Variants in TBC1D1 observed in about 807,000 individuals in gnomAD.
The protein encoded by TBC1D1 is TBC1 (tre-2/USP6, BUB2, cdc16) domain family, member 1.
In TBC1D1, 89 loss-of-function variants were observed where a neutral mutation model predicts 125.6. The ratio of observed to expected loss-of-function variants is 0.71; its 90% confidence interval spans 0.60 to 0.85. The LOEUF (loss-of-function observed/expected upper bound fraction) is 0.85, where lower values mean the gene tolerates loss of function less well. Ranked by LOEUF, TBC1D1 falls within the 40% of genes least tolerant of loss-of-function variation. The pLI, the probability that TBC1D1 is intolerant of heterozygous loss-of-function variation, is 0.00. For missense variants in TBC1D1, 1,377 were observed against 1,469.2 expected, an observed-to-expected ratio of 0.94 and a Z score of 1.03; for synonymous variants, 565 against 564.1, an observed-to-expected ratio of 1.00 and a Z score of -0.02.
intron 18 of TBC1D1, among the ~76,000 whole-genome samples, chr4:38,129,088 C>G (rs571329700): frequency 6.6e-6 from 1 of 152,306 alleles, no homozygotes; most frequent in African/African-American, 2.4e-5. Flanking sequence ...ACACCCGAGA[C>G]CTGCTGAATC....
chr4:38,127,439 C>T lies in TBC1D1; in HGVS notation c.3132+2308C>T, dbSNP rs1173346337. On this transcript the variant is annotated intron_variant, in intron 18 of 19. Coordinates refer to ENST00000261439, the MANE Select transcript of TBC1D1 (RefSeq NM_015173.4). ...TTGCTCTGCTACCCAGGCTGGAATG[C>T]GGTGGTGTGATCTTGGCTCACTGCA... Among the ~76,000 whole-genome samples, 17 of 142,528 alleles carry T rather than the reference C, an allele frequency of 1.2e-4. No individual in the cohort carries two copies. In the South Asian group the frequency reaches 1.7e-3, roughly 14 times the overall value. 93.5% of individuals were successfully genotyped at this position (142,528 alleles called of 152,430 possible).
intron 11 of TBC1D1, chr4:38,052,017 C>G (rs1016394952): frequency 1.9e-5 from 30 of 1,551,076 alleles, no homozygotes; most frequent in Non-Finnish European, 2.6e-5. Context: ...GTACCTAAAA[C>G]ATAATTCCAG....
intron 2 of TBC1D1, among the ~76,000 whole-genome samples, chr4:37,970,363 C>A (rs1315694636): frequency 6.6e-6 from 1 of 152,212 alleles, no homozygotes; most frequent in South Asian, 2.1e-4. Flanking sequence ...ATCAAACTTA[C>A]ACTAACATTC....
At chr4:38,021,550 T>G (rs764756911) in intron 5 of TBC1D1, 36 bp from the exon 6 acceptor site, 5 of 1,465,988 alleles carry the variant, frequency 3.4e-6, no homozygotes, top group Non-Finnish European at 4.5e-6. Context: ...TCAAATTGAC[T>G]TTTTGGTGAC....
chr4:37,964,081 G>A (rs1482130109), intron 2 of TBC1D1, among the ~76,000 whole-genome samples: 2 of 152,206 alleles, frequency 1.3e-5, no homozygotes, highest in African/African-American at 4.8e-5. Context: ...GCAGGGGCAG[G>A]TGGCTTGCTT....
rs949083440 is a variant in TBC1D1, at chr4:37,979,624, C to G, written c.418-34885C>G. On this transcript the variant is annotated intron_variant, in intron 2 of 19. Coordinates refer to ENST00000261439, the MANE Select transcript of TBC1D1 (RefSeq NM_015173.4). ...AGAAACACACAGCTGCACATGAGCA[C>G]AGGCCTCACACAAACACCTGCACAT... is the stretch of plus-strand genomic sequence containing the variant. Among the ~76,000 whole-genome samples, 3 of 152,230 alleles carry G rather than the reference C, an allele frequency of 2.0e-5. 1 individual carries two copies. The highest frequency in any genetic ancestry group is 1.9e-4 in the East Asian group (1 of 5,198).
chr4:37,976,232 C>G (rs1733046730), intron 2 of TBC1D1, among the ~76,000 whole-genome samples: 1 of 152,190 alleles, frequency 6.6e-6, no homozygotes, highest in Non-Finnish European at 1.5e-5. Flanking sequence ...TAAATACGGG[C>G]AACACCTATG....
At chr4:37,923,026 A>T (rs1721350470) in intron 2 of TBC1D1, among the ~76,000 whole-genome samples, 1 of 152,280 alleles carries the variant, frequency 6.6e-6, no homozygotes, top group East Asian at 1.9e-4. Context: ...TTACATAAGT[A>T]TACATGTACT....
In TBC1D1 at chr4:38,044,316, G is replaced by A. The variant is rs555476730; in HGVS notation, c.1414-46G>A. On this transcript the variant is annotated intron_variant, in intron 8 of 19. Transcript: ENST00000261439. ...TAGAGATTTTTCATTCCTTTAAGAA[G>A]CAGAGAAGGGAGCGATAAATGACTT... 4 of 1,567,698 alleles carry A rather than the reference G, an allele frequency of 2.6e-6. No individual in the cohort carries two copies. In the East Asian group the frequency reaches 9.0e-5, roughly 35 times the overall value.
intron 2 of TBC1D1, among the ~76,000 whole-genome samples, chr4:37,922,324 C>T (rs1721180684): frequency 6.6e-6 from 1 of 152,186 alleles, no homozygotes; most frequent in South Asian, 2.1e-4. Flanking sequence ...GAGGCTCGGG[C>T]TTATGTCCTA....
At chr4:38,094,379 C>CA (rs1407767623) in intron 13 of TBC1D1, among the ~76,000 whole-genome samples, 2 of 152,148 alleles carry the variant, frequency 1.3e-5, no homozygotes, top group Non-Finnish European at 2.9e-5. Flanking sequence ...CATTTGATCT[C>CA]AGTCAGTCCT....
At chr4:38,110,353 G>A in intron 15 of TBC1D1, 1 of 984,548 alleles carries the variant, frequency 1.0e-6, no homozygotes, top group Non-Finnish European at 1.2e-6. Flanking sequence ...GGGATGTGCA[G>A]GTTTAACAAG....
chr4:38,102,066 G>C (rs1313646051), intron 14 of TBC1D1, among the ~76,000 whole-genome samples: 2 of 137,288 alleles, frequency 1.5e-5, no homozygotes, highest in African/African-American at 5.5e-5. Context: ...ACACAGGAAG[G>C]GGAACATCAA....
intron 15 of TBC1D1, among the ~76,000 whole-genome samples, chr4:38,107,920 C>G (rs546017414): frequency 2.2e-4 from 33 of 152,214 alleles, no homozygotes; most frequent in African/African-American, 7.7e-4. Context: ...GCCAGCACAA[C>G]TCTCCCCACC....
rs1733377240 is a variant in TBC1D1 at position 37,977,399 on chromosome 4, C to G, written c.418-37110C>G. ...CCGCCGGGGAGAGCGATGCCCCGGC[C>G]CCGCCGCTCCCCAAGCCCGCCCCCG... is the stretch of plus-strand genomic sequence containing the variant. On this transcript the variant is annotated intron_variant, in intron 2 of 19. Transcript: ENST00000261439. The surrounding 1 kb of genome is among the most constrained non-coding windows in gnomAD (Gnocchi z 4.3). The G allele has an allele frequency of 2.1e-5, 13 of 630,050 alleles. No homozygotes were observed. Among genetic ancestry groups the G allele is most frequent in the Non-Finnish European group, 2.6e-5 (13 of 506,976 alleles). The allele number at this position is 630,050 out of a possible 1,614,324, so 39.0% of individuals were successfully genotyped here.
intron 14 of TBC1D1, among the ~76,000 whole-genome samples, chr4:38,099,369 C>T (rs1050136187): frequency 3.3e-5 from 5 of 152,122 alleles, no homozygotes; most frequent in South Asian, 2.1e-4. Flanking sequence ...TTTCCATGTG[C>T]GTATACATGG....
At chr4:38,030,886 A>G (rs1050809750) in intron 7 of TBC1D1, among the ~76,000 whole-genome samples, 2 of 152,224 alleles carry the variant, frequency 1.3e-5, no homozygotes, top group East Asian at 1.9e-4. Flanking sequence ...AAATCAAAAA[A>G]TGGAACTCTA....
At chr4:37,896,792 T>C (rs1714733784) in intron 1 of TBC1D1, among the ~76,000 whole-genome samples, 2 of 151,650 alleles carry the variant, frequency 1.3e-5, no homozygotes, top group Admixed American at 6.6e-5. Flanking sequence ...TAGGGAAATT[T>C]CTAAATGGCT....
At chr4:37,921,133 A>G (rs78267915) in intron 2 of TBC1D1, among the ~76,000 whole-genome samples, 1 of 143,542 alleles carries the variant, frequency 7.0e-6, no homozygotes, top group African/African-American at 2.6e-5. Context: ...AAAAAAAAAA[A>G]AGAATGGAGA....
Sources: gnomAD v4.1 joint callset for allele counts (sites outside exome capture counted in the v4.1 genomes callset) on GRCh38, gnomAD v4.1.1 for gene constraint, Gnocchi (gnomAD v3.1) non-coding constraint, MANE v1.5 for transcripts, NCBI Gene and HGNC (gene_info 2026-07-23, HGNC 2026-07-21) for gene names.